PNPLA1: variants seen among roughly 807,000 people sequenced by gnomAD.
The protein encoded by PNPLA1 is patatin like domain 1, omega-hydroxyceramide transacylase, also known as omega-hydroxyceramide transacylase.
Under a neutral mutation model 51.7 loss-of-function variants are expected in PNPLA1, and 36 were observed. The observed-to-expected ratio is 0.70, with a 90% CI of 0.53 to 0.92. PNPLA1 has a LOEUF of 0.92. Ranked by LOEUF, PNPLA1 falls within the 40% of genes least tolerant of loss-of-function variation. The pLI is 0.00. For missense variants in PNPLA1, 658 were observed against 682.5 expected (o/e 0.96, Z 0.40); for synonymous variants, 293 against 280.1 (o/e 1.05, Z -0.46).
chr6:36,298,515 C>T (rs1261006202), intron 5 of PNPLA1, among the ~76,000 whole-genome samples: 1 of 152,210 alleles, frequency 6.6e-6, no homozygotes, highest in Non-Finnish European at 1.5e-5. Context: ...AGAACTTTTT[C>T]ATCTTGCAAA....
At chr6:36,290,456 G>A (rs773530525) in intron 1 of PNPLA1, among the ~76,000 whole-genome samples, 2 of 152,168 alleles carry the variant, frequency 1.3e-5, no homozygotes, top group Non-Finnish European at 2.9e-5. Flanking sequence ...ACTGGCTGAC[G>A]CTGACCCTGG....
chr6:36,310,275 C>T (rs1048682772), intron 8 of PNPLA1, among the ~76,000 whole-genome samples: 1 of 152,190 alleles, frequency 6.6e-6, no homozygotes, highest in Non-Finnish European at 1.5e-5. Flanking sequence ...TGCTCTTCTC[C>T]TGGAGCTTGG....
At chr6:36,292,983 G>C in intron 2 of PNPLA1, 78 bp from the exon 3 acceptor site, 1 of 1,278,822 alleles carries the variant, frequency 7.8e-7, no homozygotes, top group East Asian at 2.4e-5. Flanking sequence ...GGTGGTGGGT[G>C]GCCCAGGGGC....
chr6:36,282,123 AGGAAGGAAGGAAGGAAAGAG>A (rs1205264009), intron 1 of PNPLA1, among the ~76,000 whole-genome samples: 1 of 120,150 alleles, frequency 8.3e-6, no homozygotes, highest in African/African-American at 2.8e-5. Flanking sequence ...GAAGGAAGGA[AGGAAGGAAGGAAGGAAAGAG>A]AGACAGAGAG....
At chr6:36,288,120 C>G (rs539265575) in intron 1 of PNPLA1, among the ~76,000 whole-genome samples, 1 of 152,110 alleles carries the variant, frequency 6.6e-6, no homozygotes, top group African/African-American at 2.4e-5. Flanking sequence ...TTTAAATATG[C>G]GTGCCTTTGA....
intron 1 of PNPLA1, among the ~76,000 whole-genome samples, chr6:36,258,886 T>G (rs80218225): frequency 0.019 from 2,964 of 152,346 alleles, 53 homozygotes; most frequent in Middle Eastern, 0.027. Flanking sequence ...ACCTGCAATA[T>G]TCCTTAAATG....
At chr6:36,244,442 T>A (rs1769219888) in intron 1 of PNPLA1, among the ~76,000 whole-genome samples, 2 of 152,140 alleles carry the variant, frequency 1.3e-5, no homozygotes, top group Non-Finnish European at 2.9e-5. Context: ...CTTGATAGTC[T>A]TTCCCTGTCA....
At chr6:36,269,271 A>G (rs866609436), upstream of PNPLA1, among the ~76,000 whole-genome samples, 2 of 152,066 alleles carry the variant, frequency 1.3e-5, no homozygotes, top group Admixed American at 6.5e-5. Flanking sequence ...GGGAGACGCC[A>G]TCTTGCCTTC....
chr6:36,297,229 C>A (rs563178045), intron 5 of PNPLA1, among the ~76,000 whole-genome samples: 19 of 152,322 alleles, frequency 1.2e-4, no homozygotes, highest in Non-Finnish European at 2.6e-4. Context: ...TGACTACCAG[C>A]TATTTTTGCT....
intron 1 of PNPLA1, among the ~76,000 whole-genome samples, chr6:36,284,377 G>A (rs189288255): frequency 1.3e-5 from 2 of 152,366 alleles, no homozygotes; most frequent in East Asian, 3.9e-4. Flanking sequence ...GAATAGGTCA[G>A]AGTTGTTTTG....
chr6:36,273,335 C>A (rs1366832650), intron 1 of PNPLA1, among the ~76,000 whole-genome samples: 2 of 152,058 alleles, frequency 1.3e-5, no homozygotes, highest in Non-Finnish European at 2.9e-5. Flanking sequence ...TCCCCCACTC[C>A]CTCCTCTAGC....
At chr6:36,291,583 C>CGGGGGGGGGGGGGG in intron 2 of PNPLA1, 31 bp downstream of exon 2, 1 of 53,508 alleles carries the variant, frequency 1.9e-5, no homozygotes, top group Admixed American at 4.2e-4. Context: ...GGGAGGGACA[C>CGGGGGGGGGGGGGG]GGAGGGGGCG....
At chr6:36,252,890 G>T (rs561076822) in intron 1 of PNPLA1, among the ~76,000 whole-genome samples, 6 of 152,328 alleles carry the variant, frequency 3.9e-5, no homozygotes, top group Admixed American at 3.9e-4. Flanking sequence ...TGGACGAAAG[G>T]CAATAGAGGG....
upstream of PNPLA1, among the ~76,000 whole-genome samples, chr6:36,266,052 C>A (rs1303435544): frequency 6.6e-6 from 1 of 152,220 alleles, no homozygotes; most frequent in Admixed American, 6.5e-5. Context: ...AGAAAGTTGG[C>A]TCCCAATAGA....
At position 36,302,099 on chromosome 6, in the gene PNPLA1, A is replaced by G. The variant is rs373648600; in HGVS notation, c.1014A>G (p.Thr338=). The G allele has an allele frequency of 5.6e-6, 9 of 1,614,100 alleles. No homozygotes were observed. The highest frequency in any genetic ancestry group is 7.6e-6 in the Non-Finnish European group (9 of 1,180,042). ...AACCTGTGCAGACACTTGAATTCAC[A>G]TGCGAGTCACCTGTTTCAGCACCAG... ...VSQPVQTLEF[T]CESPVSAPVS... is the part of the protein sequence containing the mutation. The change falls in exon 6 of 9, where the codon ACA becomes ACG. Residue 338 remains threonine, a synonymous_variant. Transcript: ENST00000636260.
chr6:36,258,485 G>T (rs1371967472), intron 1 of PNPLA1, among the ~76,000 whole-genome samples: 2 of 152,136 alleles, frequency 1.3e-5, no homozygotes, highest in Non-Finnish European at 1.5e-5. Context: ...CATGCCTTTT[G>T]ATCACTCTCC....
chr6:36,282,092 G>GAAAGAAAGAAAGAAAAGAAAGAAA (rs59914317), intron 1 of PNPLA1, among the ~76,000 whole-genome samples: 4 of 40,746 alleles, frequency 9.8e-5, no homozygotes, highest in African/African-American at 4.7e-4. Flanking sequence ...AAAGAAAGAA[G>GAAAGAAAGAAAGAAAAGAAAGAAA]GAAGGAAGGA....
intron 1 of PNPLA1, among the ~76,000 whole-genome samples, chr6:36,288,671 GA>G: frequency 6.6e-6 from 1 of 151,924 alleles, no homozygotes; most frequent in South Asian, 2.1e-4. Context: ...TGTTAGCCAG[GA>G]TGGTCTCGAT....
intron 5 of PNPLA1, among the ~76,000 whole-genome samples, chr6:36,296,441 A>G (rs112376863): frequency 0.024 from 3,647 of 152,286 alleles, 151 homozygotes; most frequent in African/African-American, 0.077. Context: ...ATAATATTCC[A>G]TCATAGCTGT....
Sources: gnomAD v4.1 joint callset for allele counts (sites outside exome capture counted in the v4.1 genomes callset) on GRCh38, gnomAD v4.1.1 for gene constraint, MANE v1.5 for transcripts, NCBI Gene and HGNC (gene_info 2026-07-23, HGNC 2026-07-21) for gene names.